The following CPNE8 variants were observed in gnomAD, a reference collection of about 807,000 sequenced individuals.
The protein encoded by CPNE8 is copine 8.
CPNE8 carries 45 observed loss-of-function variants against 81.5 expected under a neutral mutation model. The ratio of observed to expected loss-of-function variants is 0.55; its 90% CI spans 0.44 to 0.71. The LOEUF (loss-of-function observed/expected upper bound fraction) is 0.71, where lower values mean the gene tolerates loss of function less well. CPNE8 is among the 30% of genes least tolerant of loss of function. The pLI is 0.00. For synonymous variants in CPNE8, 252 were observed against 226.3 expected, an observed-to-expected ratio of 1.11 and a Z score of -1.02; for missense variants, 594 against 672.1, an observed-to-expected ratio of 0.88 and a Z score of 1.28.
chr12:38,657,336 C>G (rs1177584585), intron 19 of CPNE8, among the ~76,000 whole-genome samples: 2 of 152,108 alleles, frequency 1.3e-5, no homozygotes, highest in South Asian at 4.1e-4. Context: ...GGGGTGTCCA[C>G]CATTGCTGAG....
intron 5 of CPNE8, among the ~76,000 whole-genome samples, chr12:38,836,371 T>C (rs73084050): frequency 0.21 from 32,546 of 152,026 alleles, 6,087 homozygotes; most frequent in African/African-American, 0.51. Context: ...TTACGTCTTA[T>C]GTCATATTTA....
chr12:38,755,957 G>A (rs1287442821), intron 10 of CPNE8, among the ~76,000 whole-genome samples: 1 of 146,550 alleles, frequency 6.8e-6, no homozygotes, highest in Non-Finnish European at 1.5e-5. Context: ...GGAGAATGAC[G>A]TGAACCCAGG....
chr12:38,754,532 CA>C (rs1470710745), intron 10 of CPNE8, among the ~76,000 whole-genome samples: 1 of 151,678 alleles, frequency 6.6e-6, no homozygotes, highest in East Asian at 1.9e-4. Context: ...TGCTCAATAA[CA>C]ATTTCTTCAT....
chr12:38,831,926 T>C (rs1050724708), intron 5 of CPNE8, among the ~76,000 whole-genome samples: 1 of 152,192 alleles, frequency 6.6e-6, no homozygotes, highest in Non-Finnish European at 1.5e-5. Context: ...GTAGCGAGTC[T>C]CAGTAAAAGC....
At chr12:38,748,496 T>C (rs1419511083) in intron 10 of CPNE8, among the ~76,000 whole-genome samples, 1 of 151,390 alleles carries the variant, frequency 6.6e-6, no homozygotes, top group Non-Finnish European at 1.5e-5. Context: ...GTCGTAATAG[T>C]ATTTTTTTTT....
intron 6 of CPNE8, among the ~76,000 whole-genome samples, chr12:38,798,792 T>C (rs904663461): frequency 6.6e-6 from 1 of 152,142 alleles, no homozygotes; most frequent in Non-Finnish European, 1.5e-5. Context: ...GTGTGCTGTA[T>C]TCAGGAAACC....
chr12:38,796,112 G>T (rs1403527071), intron 6 of CPNE8, among the ~76,000 whole-genome samples: 1 of 151,888 alleles, frequency 6.6e-6, no homozygotes, highest in Non-Finnish European at 1.5e-5. Flanking sequence ...ATATAACATG[G>T]CCATCTCTAC....
chr12:38,807,101 A>G (rs1283293578), intron 6 of CPNE8, among the ~76,000 whole-genome samples: 1 of 152,152 alleles, frequency 6.6e-6, no homozygotes, highest in Admixed American at 6.6e-5. Flanking sequence ...GAAATAAAAG[A>G]GGACACAAAC....
At chr12:38,734,929 G>C (rs1940918551) in intron 10 of CPNE8, among the ~76,000 whole-genome samples, 1 of 152,070 alleles carries the variant, frequency 6.6e-6, no homozygotes, top group Non-Finnish European at 1.5e-5. Context: ...TTCTCATGCA[G>C]GTATGCTTAA....
chr12:38,676,390 C>A (rs1186565648), intron 17 of CPNE8: 9 of 707,228 alleles, frequency 1.3e-5, no homozygotes, highest in Non-Finnish European at 1.2e-5. Flanking sequence ...TCAGACAAAA[C>A]CTTTCTAAGC....
chr12:38,731,554 A>T (rs1592045578), intron 10 of CPNE8, among the ~76,000 whole-genome samples: 1 of 151,840 alleles, frequency 6.6e-6, no homozygotes, highest in African/African-American at 2.4e-5. Context: ...TTCTCCCTAA[A>T]CTATCTTGTA....
chr12:38,884,898 A>G (rs947640997), intron 1 of CPNE8, among the ~76,000 whole-genome samples: 8 of 152,268 alleles, frequency 5.3e-5, no homozygotes, highest in South Asian at 4.1e-4. Context: ...TAAACTTCCA[A>G]TGCTAACTCC....
intron 3 of CPNE8, among the ~76,000 whole-genome samples, chr12:38,853,802 A>G (rs1463434721): frequency 6.6e-6 from 1 of 152,092 alleles, no homozygotes; most frequent in African/African-American, 2.4e-5. Flanking sequence ...TTATTAAACT[A>G]CTTCAGAGAA....
chr12:38,906,015 GTCAA>G (rs1944566772), upstream of CPNE8: 3 of 990,164 alleles, frequency 3.0e-6, no homozygotes, highest in South Asian at 1.4e-4. Context: ...GCTTCCTTCT[GTCAA>G]TCAGGTGTGG....
chr12:38,867,848 C>T (rs1193007474), intron 3 of CPNE8, among the ~76,000 whole-genome samples: 3 of 151,984 alleles, frequency 2.0e-5, no homozygotes, highest in East Asian at 3.9e-4. Context: ...TTACAACATC[C>T]GTTACTTCAA....
chr12:38,851,650 T>C (rs1468316926), intron 3 of CPNE8, among the ~76,000 whole-genome samples: 1 of 152,240 alleles, frequency 6.6e-6, no homozygotes, highest in African/African-American at 2.4e-5. Context: ...CTTACATTTC[T>C]GCTTCTTCTT....
intron 10 of CPNE8, among the ~76,000 whole-genome samples, chr12:38,758,147 ACTCTCTCTCT>A (rs34541514): frequency 5.4e-5 from 8 of 149,112 alleles, no homozygotes; most frequent in Non-Finnish European, 1.0e-4. Context: ...CTGTGAACAA[ACTCTCTCTCT>A]CTCTCTCTCT....
intron 6 of CPNE8, among the ~76,000 whole-genome samples, chr12:38,778,439 C>T (rs1392709462): frequency 6.6e-6 from 1 of 152,186 alleles, no homozygotes; most frequent in African/African-American, 2.4e-5. Context: ...ATGGGTTTCA[C>T]TGTTCCCTCT....
intron 3 of CPNE8, among the ~76,000 whole-genome samples, chr12:38,851,929 C>G (rs1051773955): frequency 6.6e-6 from 1 of 152,114 alleles, no homozygotes; most frequent in Non-Finnish European, 1.5e-5. Context: ...TACCTCATGG[C>G]CTTTGCACCT....
Sources: gnomAD v4.1 joint callset for allele counts (sites outside exome capture counted in the v4.1 genomes callset) on GRCh38, gnomAD v4.1.1 for gene constraint, MANE v1.5 for transcripts, NCBI Gene and HGNC (gene_info 2026-07-23, HGNC 2026-07-21) for gene names.